The following CIMIP1 variants were observed in gnomAD, a reference collection of about 807,000 sequenced individuals.
CIMIP1 encodes low in lung cancer 1.
chr20:58,153,296 G>T, the CIMIP1 span, among the ~76,000 whole-genome samples: 5 of 152,140 alleles, frequency 3.3e-5, no homozygotes, highest in African/African-American at 1.2e-4. Context: ...TCGGCCCCCA[G>T]ACTGGCCCTT....
At chr20:58,156,228 T>C in the CIMIP1 span, among the ~76,000 whole-genome samples, 1 of 152,056 alleles carries the variant, frequency 6.6e-6, no homozygotes, top group Non-Finnish European at 1.5e-5. Flanking sequence ...GCTAGCACCA[T>C]GGAGGAAACA....
At chr20:58,156,397 A>C in the CIMIP1 span, among the ~76,000 whole-genome samples, 1 of 151,188 alleles carries the variant, frequency 6.6e-6, no homozygotes, top group Admixed American at 6.6e-5. Flanking sequence ...ACAGGCTGCT[A>C]TGTTTCAGGA....
At chr20:58,153,954 A>C in the CIMIP1 span, among the ~76,000 whole-genome samples, 2 of 152,186 alleles carry the variant, frequency 1.3e-5, no homozygotes, top group Non-Finnish European at 2.9e-5. Flanking sequence ...GACCCTACTC[A>C]GGTGAGAAGC....
the CIMIP1 span, among the ~76,000 whole-genome samples, chr20:58,159,491 G>A: frequency 1.3e-5 from 2 of 150,468 alleles, no homozygotes; most frequent in African/African-American, 4.9e-5. Flanking sequence ...CCCTAGCCTG[G>A]ATGACAGAGC....
chr20:58,158,653 A>C, the CIMIP1 span, among the ~76,000 whole-genome samples: 1 of 152,086 alleles, frequency 6.6e-6, no homozygotes, highest in Middle Eastern at 3.2e-3. Flanking sequence ...CCGTCTCAAA[A>C]AAAAAAAAAT....
chr20:58,154,941 G>A, the CIMIP1 span, among the ~76,000 whole-genome samples: 1 of 152,294 alleles, frequency 6.6e-6, no homozygotes, highest in South Asian at 2.1e-4. Flanking sequence ...AAGTAGCTGG[G>A]ACCACAGGCA....
the CIMIP1 span, chr20:58,153,743 A>G: frequency 1.3e-6 from 1 of 762,108 alleles, no homozygotes; most frequent in Non-Finnish European, 2.2e-6. Flanking sequence ...GGCAAAGATC[A>G]CTAACTCCTA....
At chr20:58,151,692 C>G in the CIMIP1 span, among the ~76,000 whole-genome samples, 1 of 151,974 alleles carries the variant, frequency 6.6e-6, no homozygotes, top group East Asian at 1.9e-4. Context: ...GGATTGCATG[C>G]GTGAGTCACC....
At chr20:58,151,798 G>A in the CIMIP1 span, among the ~76,000 whole-genome samples, 2 of 152,044 alleles carry the variant, frequency 1.3e-5, no homozygotes, top group Non-Finnish European at 2.9e-5. Flanking sequence ...ATTCTCCTGG[G>A]TTTTTAAGTA....
At chr20:58,156,281 G>C in the CIMIP1 span, among the ~76,000 whole-genome samples, 1 of 152,214 alleles carries the variant, frequency 6.6e-6, no homozygotes, top group Non-Finnish European at 1.5e-5. Flanking sequence ...GGGGTGGTCA[G>C]GGAAGGGGCC....
chr20:58,160,854 A>G, the CIMIP1 span: 1 of 1,590,736 alleles, frequency 6.3e-7, no homozygotes, highest in Non-Finnish European at 8.6e-7. Context: ...GGGGTGCTGC[A>G]TATCGGTCAC....
chr20:58,153,314 A>C, the CIMIP1 span, among the ~76,000 whole-genome samples: 1 of 152,132 alleles, frequency 6.6e-6, no homozygotes, highest in Non-Finnish European at 1.5e-5. Flanking sequence ...CTTACCCGGC[A>C]TTCCCTCTCA....
At chr20:58,155,266 T>G in the CIMIP1 span, among the ~76,000 whole-genome samples, 1 of 152,210 alleles carries the variant, frequency 6.6e-6, no homozygotes, top group Admixed American at 6.5e-5. Context: ...CACCCTACTT[T>G]CCTAACGGTG....
the CIMIP1 span, chr20:58,155,541 C>A: frequency 6.2e-7 from 1 of 1,614,128 alleles, no homozygotes; most frequent in Non-Finnish European, 8.5e-7. Context: ...CGCATCCGGC[C>A]GGTGACCCCA....
At chr20:58,156,423 G>A in the CIMIP1 span, among the ~76,000 whole-genome samples, 35 of 152,150 alleles carry the variant, frequency 2.3e-4, no homozygotes, top group African/African-American at 7.5e-4. Flanking sequence ...AAGGCAAGGC[G>A]ATGCGACAGG....
chr20:58,151,311 C>A, the CIMIP1 span, among the ~76,000 whole-genome samples: 23 of 152,092 alleles, frequency 1.5e-4, no homozygotes, highest in Middle Eastern at 3.4e-3. Context: ...CAGAGATTGG[C>A]TTGTTGAAAT....
At chr20:58,150,988 C>A in the CIMIP1 span, 3 of 1,608,920 alleles carry the variant, frequency 1.9e-6, no homozygotes, top group South Asian at 2.2e-5. Context: ...CTCTCAGCAC[C>A]GCGGCGGCTG....
the CIMIP1 span, chr20:58,155,596 T>G: frequency 6.4e-7 from 1 of 1,561,476 alleles, no homozygotes. Flanking sequence ...AATACTCATT[T>G]TTTTAAAATA....
chr20:58,160,052 G>A, the CIMIP1 span, among the ~76,000 whole-genome samples: 1 of 152,234 alleles, frequency 6.6e-6, no homozygotes, highest in African/African-American at 2.4e-5. Context: ...ATGCAGAACA[G>A]ATTATTTCAA....
Sources: allele counts gnomAD v4.1 joint callset (sites outside exome capture counted in the v4.1 genomes callset), GRCh38; gene constraint gnomAD v4.1.1; transcripts MANE v1.5; gene names NCBI Gene and HGNC (gene_info 2026-07-23, HGNC 2026-07-21).